Variants in UBTF observed in about 807,000 individuals in gnomAD.
The protein encoded by UBTF is upstream binding transcription factor.
Under a neutral mutation model 112.3 loss-of-function variants are expected in UBTF, and 8 were observed. The observed-to-expected ratio is 0.07, with a 90% CI of 0.04 to 0.13. The LOEUF is 0.13. UBTF is among the 10% of genes least tolerant of loss of function. The pLI is 1.00. For missense variants in UBTF, 457 were observed against 982.1 expected, an observed-to-expected ratio of 0.47 and a Z score of 7.15; for synonymous variants, 417 against 373.1, an observed-to-expected ratio of 1.12 and a Z score of -1.36.
At chr17:44,216,342 C>T (rs990613511) in intron 3 of UBTF, 187 bp downstream of exon 3, 2 of 691,690 alleles carry the variant, frequency 2.9e-6, no homozygotes, top group African/African-American at 1.8e-5. Context: ...TAGAAAGTGG[C>T]ATAACTTTAA....
chr17:44,209,141 C>A, intron 17 of UBTF: 1 of 476,130 alleles, frequency 2.1e-6, no homozygotes, highest in Non-Finnish European at 3.6e-6. Context: ...TGTACTCCAG[C>A]CTGGGCAGGA....
chr17:44,219,978 G>A (rs1199445981), upstream of UBTF, among the ~76,000 whole-genome samples: 4 of 150,592 alleles, frequency 2.7e-5, no homozygotes, highest in African/African-American at 9.7e-5. Context: ...GGGAGCTGGG[G>A]GGACCCGGGC....
rs1313219281 is a variant in UBTF at position 44,210,724 on chromosome 17, CCCG to C, written c.1359+65_1359+67del. On this transcript the variant is annotated intron_variant, in intron 13 of 20. Coordinates refer to ENST00000436088, the MANE Select transcript of UBTF (RefSeq NM_014233.4). Reference sequence around the variant, plus strand: ...GGCGGCCAGGGGCGAGGTGGCACGGCCCGCCAAGGGGAAGAGGGGGCCCTGGCA... The same window carrying C: ...GGCGGCCAGGGGCGAGGTGGCACGGCCCAAGGGGAAGAGGGGGCCCTGGCA... 3.9e-6 allele frequency: 6 copies of C among 1,537,642 alleles called. No individual in the cohort carries two copies. In the African/African-American group the frequency reaches 5.5e-5, roughly 14 times the overall value.
intron 5 of UBTF, among the ~76,000 whole-genome samples, chr17:44,214,471 T>C (rs1481778153): frequency 6.6e-6 from 1 of 152,238 alleles, no homozygotes; most frequent in Non-Finnish European, 1.5e-5. Flanking sequence ...GACAGCACCT[T>C]GTCCACTCTA....
chr17:44,210,298 C>A lies in UBTF; in HGVS notation c.1515+20G>T, dbSNP rs769944641. 1 of 1,614,252 alleles carries A rather than the reference C, an allele frequency of 6.2e-7. No homozygotes were observed. Among genetic ancestry groups the A allele is most frequent in the Non-Finnish European group, 8.5e-7 (1 of 1,180,048 alleles). On this transcript the variant is annotated intron_variant, in intron 14 of 20. Coordinates refer to ENST00000436088, the MANE Select transcript of UBTF (RefSeq NM_014233.4). ...CCCGGGGCTAGAGGCTGCAGTACTACCCTTTCCCACCCCTGTCACCTTGAA... is the reference window on the plus strand; with the variant it reads ...CCCGGGGCTAGAGGCTGCAGTACTAACCTTTCCCACCCCTGTCACCTTGAA...
chr17:44,211,241 G>A lies in UBTF; in HGVS notation c.1089+49C>T, dbSNP rs377743152. 1.6e-5 allele frequency: 26 copies of A among 1,613,894 alleles called. No individual in the cohort carries two copies. Among genetic ancestry groups the A allele is most frequent in the Non-Finnish European group, 1.9e-5 (22 of 1,179,954 alleles). Reference sequence around the variant, plus strand: ...CCAGGGGCTCACCAGGGCTCTGCCTGCCAAGTCCCAGTCTTCTCTGCCCAC... The same window carrying A: ...CCAGGGGCTCACCAGGGCTCTGCCTACCAAGTCCCAGTCTTCTCTGCCCAC... On this transcript the variant is annotated intron_variant, in intron 11 of 20. Coordinates refer to ENST00000436088, the MANE Select transcript of UBTF (RefSeq NM_014233.4). The surrounding 1 kb of genome is among the most constrained non-coding windows in gnomAD (Gnocchi z 4.9).
chr17:44,212,765 C>T (rs754601992), intron 7 of UBTF, 54 bp downstream of exon 7: 15 of 1,603,794 alleles, frequency 9.4e-6, no homozygotes, highest in Non-Finnish European at 4.3e-6. Context: ...GGCGCGGCTC[C>T]CCCCTGGCCA....
In UBTF at chr17:44,206,719, G is replaced by A. The variant is rs1159604213; in HGVS notation, c.*523C>T. ...GCTCCTTCCTGCAGGGGGCAGGGGA[G>A]AGGGCCACCAGGGCAGTGCCTGTTT... On this transcript the variant is annotated 3_prime_UTR_variant, in exon 21 of 21. Transcript: ENST00000436088. 2 of 164,106 alleles carry A rather than the reference G, an allele frequency of 1.2e-5. No homozygotes were observed. The highest frequency in any genetic ancestry group is 2.4e-5 in the African/African-American group (1 of 41,694). 10.2% of individuals were successfully genotyped at this position (164,106 alleles called of 1,614,324 possible). A position where few individuals can be genotyped will look rare whatever the true frequency, so the allele number is the denominator to read the frequency against.
chr17:44,212,601 G>A, intron 7 of UBTF, 147 bp from the exon 8 acceptor site: 3 of 1,045,300 alleles, frequency 2.9e-6, no homozygotes, highest in Non-Finnish European at 4.1e-6. Context: ...AAGGCGGAGA[G>A]GCGGGGATCC....
rs1223213347 is a variant in UBTF, at chr17:44,207,060, A to C, written c.*182T>G. 8 of 650,828 alleles carry C rather than the reference A, an allele frequency of 1.2e-5. No individual in the cohort carries two copies. The highest frequency in any genetic ancestry group is 2.1e-5 in the Non-Finnish European group (8 of 387,058). 40.3% of individuals were successfully genotyped at this position (650,828 alleles called of 1,614,324 possible). On this transcript the variant is annotated 3_prime_UTR_variant, in exon 21 of 21. Coordinates refer to ENST00000436088, the MANE Select transcript of UBTF (RefSeq NM_014233.4). ...AGGGCTGATGTCTCTGAGGCTGCAG[A>C]GTCCTGGCCTGGGCTCCTCCAGCCC...
At chr17:44,216,490 G>C (rs368631958) in intron 3 of UBTF, 39 bp downstream of exon 3, 51 of 1,607,414 alleles carry the variant, frequency 3.2e-5, no homozygotes, top group Non-Finnish European at 4.0e-5. Context: ...ACGCTGAGTG[G>C]GGGGTATGTG....
In UBTF at chr17:44,211,255, T is replaced by C; in HGVS notation, c.1089+35A>G. ...GGGCTCTGCCTGCCAAGTCCCAGTC[T>C]TCTCTGCCCACTGCCCCACCGGAGG... On this transcript the variant is annotated intron_variant, in intron 11 of 20. Transcript: ENST00000436088. This position sits in a 1 kb window ranked among gnomAD's most constrained non-coding sequence, Gnocchi z 4.9. The C allele has an allele frequency of 9.3e-6, 15 of 1,614,176 alleles. No homozygotes were observed. Among genetic ancestry groups the C allele is most frequent in the Non-Finnish European group, 1.3e-5 (15 of 1,180,026 alleles).
At position 44,216,633 on chromosome 17, in the gene UBTF, A is replaced by C; in HGVS notation, c.130T>G (p.Ser44Ala). ...MKNNLPSNDS[S>A]KFKTTESHMD... ...TGTGATTCGGTGGTTTTGAACTTGG[A>C]GCTGTCATTGGATGGAAGGTTGTTC... Residue 44 changes from serine to alanine, a missense_variant, in exon 3 of 21, where the codon TCC (serine) becomes GCC (alanine). By Grantham distance (99) the Ser-to-Ala change is moderately conservative. Around this residue, in one of 7 missense-constraint regions of UBTF, gnomAD observed 26 missense variants for 132.9 expected, o/e 0.20. Coordinates refer to ENST00000436088, the MANE Select transcript of UBTF (RefSeq NM_014233.4). The C allele has an allele frequency of 6.2e-7, 1 of 1,614,104 alleles. No individual in the cohort carries two copies. The highest frequency in any genetic ancestry group is 8.5e-7 in the Non-Finnish European group (1 of 1,180,012).
rs1469710548 is a variant in UBTF at position 44,211,929 on chromosome 17, G to A, written c.849C>T (p.Thr283=). ...TGTCCTTGAGCTGGCGTTCGGCCTT[G>A]GTGAGGGTGGACTTGGTGATACCCT... ...SEEGITKSTL[T]KAERQLKDKF... is the part of the protein sequence containing the mutation. Residue 283 remains threonine, a synonymous_variant, in exon 9 of 21, where the codon ACC becomes ACT. Coordinates refer to ENST00000436088, the MANE Select transcript of UBTF (RefSeq NM_014233.4). The surrounding 1 kb of genome is among the most constrained non-coding windows in gnomAD (Gnocchi z 4.9). 1.2e-6 allele frequency: 2 copies of A among 1,613,922 alleles called. No individual in the cohort carries two copies. The highest frequency in any genetic ancestry group is 1.7e-6 in the Non-Finnish European group (2 of 1,180,030).
chr17:44,216,319 A>G (rs927448821), intron 3 of UBTF: 8 of 640,304 alleles, frequency 1.2e-5, no homozygotes, highest in Non-Finnish European at 2.7e-6. Flanking sequence ...TGTTTGGCTC[A>G]AGACCACTCA....
Position 44,211,440 on chromosome 17 carries a change from C to A in UBTF, c.1048-109G>T. ...CGGGCCTCCAGAGCCTGGGTGTGGGCTGGACTCCCTGCCTGGACGGGCTCA... is the reference window on the plus strand; with the variant it reads ...CGGGCCTCCAGAGCCTGGGTGTGGGATGGACTCCCTGCCTGGACGGGCTCA... On this transcript the variant is annotated intron_variant, in intron 10 of 20. Coordinates refer to ENST00000436088, the MANE Select transcript of UBTF (RefSeq NM_014233.4). The surrounding 1 kb of genome is among the most constrained non-coding windows in gnomAD (Gnocchi z 4.9). The A allele has an allele frequency of 6.4e-7, 1 of 1,569,920 alleles. No homozygotes were observed. The highest frequency in any genetic ancestry group is 8.7e-7 in the Non-Finnish European group (1 of 1,145,826).
rs1353983503 is a variant in UBTF at position 44,216,578 on chromosome 17, T to C, written c.185A>G (p.Asp62Gly). 7 of 1,614,096 alleles carry C rather than the reference T, an allele frequency of 4.3e-6. No individual in the cohort carries two copies. Among genetic ancestry groups the C allele is most frequent in the Non-Finnish European group, 5.9e-6 (7 of 1,180,044 alleles). The change falls in exon 3 of 21, where the codon GAC (aspartate) becomes GGC (glycine). Residue 62 changes from aspartate to glycine, a missense_variant. By Grantham distance (94) the Asp-to-Gly change is moderately conservative (BLOSUM62 -1). This residue lies in a region of UBTF where 26 missense variants were observed against 132.9 expected (regional missense o/e 0.20). Transcript: ENST00000436088. ...HMDWEKVAFK[D>G]FSGDMCKLKW... ...GAGCTTGCACATGTCTCCAGAAAAG[T>C]CTTTAAATGCTACTTTTTCCCAGTC...
At chr17:44,218,844 A>G (rs1167579449) in intron 1 of UBTF, among the ~76,000 whole-genome samples, 8 of 148,484 alleles carry the variant, frequency 5.4e-5, no homozygotes, top group Non-Finnish European at 1.0e-4. Context: ...GCCCCCGGGG[A>G]CCGGATCCGG....
intron 1 of UBTF, chr17:44,219,027 G>A (rs1005924617): frequency 6.7e-6 from 1 of 148,776 alleles, no homozygotes; most frequent in Non-Finnish European, 1.5e-5. Context: ...CCGGCACAGA[G>A]GCGCGACCGC....
Sources: gnomAD v4.1 joint callset for allele counts (sites outside exome capture counted in the v4.1 genomes callset) on GRCh38, gnomAD v4.1.1 for gene constraint, gnomAD v4.1.1 regional missense constraint, Gnocchi (gnomAD v3.1) non-coding constraint, MANE v1.5 for transcripts, NCBI Gene and HGNC (gene_info 2026-07-23, HGNC 2026-07-21) for gene names.